TMEM255B: variants seen among roughly 807,000 people sequenced by gnomAD.
The protein encoded by TMEM255B is transmembrane protein 255B.
In TMEM255B, 35 loss-of-function variants were observed where a neutral mutation model predicts 34.5. The ratio of observed to expected loss-of-function variants is 1.01; its 90% confidence interval spans 0.77 to 1.34. TMEM255B has a LOEUF of 1.34. Ranked by LOEUF, TMEM255B falls within the 40% of genes most tolerant of loss-of-function variation. TMEM255B has a pLI of 0.00. For missense variants in TMEM255B, 432 were observed against 433.2 expected, an observed-to-expected ratio of 1.00 and a Z score of 0.02; for synonymous variants, 206 against 201.2, an observed-to-expected ratio of 1.02 and a Z score of -0.20.
At chr13:113,775,057 C>A (rs59061423) in intron 3 of TMEM255B, among the ~76,000 whole-genome samples, 5 of 81,786 alleles carry the variant, frequency 6.1e-5, no homozygotes, top group Non-Finnish European at 1.1e-4. Flanking sequence ...ACACAACACA[C>A]CACACACCAC....
intron 8 of TMEM255B, among the ~76,000 whole-genome samples, chr13:113,807,933 G>T (rs1186363198): frequency 6.6e-6 from 1 of 152,146 alleles, no homozygotes; most frequent in African/African-American, 2.4e-5. Context: ...TGGGGCTCTG[G>T]GTTTACGCAA....
At chr13:113,804,818 G>A in intron 7 of TMEM255B, 67 bp from the exon 8 acceptor site, 4 of 1,436,452 alleles carry the variant, frequency 2.8e-6, no homozygotes, top group Non-Finnish European at 3.7e-6. Flanking sequence ...GGCTTTCTAG[G>A]AAGGCTGGAC....
chr13:113,809,935 A>C (rs2051268518), intron 8 of TMEM255B, among the ~76,000 whole-genome samples: 1 of 152,118 alleles, frequency 6.6e-6, no homozygotes, highest in Non-Finnish European at 1.5e-5. Context: ...CGGGGGAAGA[A>C]AGAAATGAGG....
intron 5 of TMEM255B, among the ~76,000 whole-genome samples, chr13:113,800,327 G>A (rs1594159223): frequency 6.7e-6 from 1 of 149,870 alleles, no homozygotes; most frequent in Non-Finnish European, 1.5e-5. Context: ...GTGTGTGTGT[G>A]TGTGTGTGTG....
intron 3 of TMEM255B, among the ~76,000 whole-genome samples, chr13:113,781,848 T>C (rs2050670328): frequency 6.6e-6 from 1 of 152,200 alleles, no homozygotes; most frequent in South Asian, 2.1e-4. Flanking sequence ...GTCCTAAACA[T>C]CCCTGTCTTC....
At chr13:113,760,148 T>C in intron 1 of TMEM255B, among the ~76,000 whole-genome samples, 1 of 152,170 alleles carries the variant, frequency 6.6e-6, no homozygotes, top group East Asian at 1.9e-4. Flanking sequence ...CCCTCAGAAA[T>C]AATCCAACAC....
intron 3 of TMEM255B, among the ~76,000 whole-genome samples, chr13:113,781,313 C>T (rs1257472331): frequency 6.6e-6 from 1 of 152,192 alleles, no homozygotes; most frequent in African/African-American, 2.4e-5. Context: ...AATAGAATTT[C>T]CTTTACAATC....
chr13:113,764,688 A>G (rs2140800853), intron 1 of TMEM255B, among the ~76,000 whole-genome samples: 1 of 152,278 alleles, frequency 6.6e-6, no homozygotes, highest in Middle Eastern at 3.4e-3. Context: ...TCTGCCTCTC[A>G]CATGCGAGGA....
intron 3 of TMEM255B, among the ~76,000 whole-genome samples, chr13:113,788,801 C>T (rs1594141540): frequency 1.3e-5 from 2 of 152,138 alleles, no homozygotes; most frequent in African/African-American, 4.8e-5. Context: ...CCTGCCGCTG[C>T]CCTCACCCCA....
rs1459739122 is a variant in TMEM255B, at chr13:113,799,436, A to G, written c.423+17A>G. 1 of 1,611,870 alleles carries G rather than the reference A, an allele frequency of 6.2e-7. No individual in the cohort carries two copies. Among genetic ancestry groups the G allele is most frequent in the South Asian group, 1.1e-5 (1 of 91,046 alleles). Reference sequence around the variant, plus strand: ...CAGACAGAGGTGAGCAGGAGCACTGAGATTCATGTGGGTTTTGCTCAGCTA... The same window carrying G: ...CAGACAGAGGTGAGCAGGAGCACTGGGATTCATGTGGGTTTTGCTCAGCTA... On this transcript the variant is annotated intron_variant, in intron 5 of 8. Coordinates refer to ENST00000375353, the MANE Select transcript of TMEM255B (RefSeq NM_182614.4).
At chr13:113,772,572 T>G (rs1409375902) in intron 3 of TMEM255B, among the ~76,000 whole-genome samples, 1 of 152,212 alleles carries the variant, frequency 6.6e-6, no homozygotes, top group Non-Finnish European at 1.5e-5. Context: ...GTGATCCACC[T>G]TGAGTTAACT....
chr13:113,805,387 C>T (rs543872312), intron 8 of TMEM255B, among the ~76,000 whole-genome samples: 1 of 152,326 alleles, frequency 6.6e-6, no homozygotes, highest in Non-Finnish European at 1.5e-5. Flanking sequence ...TTAGGTGGAG[C>T]CATATGGATC....
At chr13:113,780,312 CAATTGTGTCCTGTTACAAAAGAA>C (rs1421836840) in intron 3 of TMEM255B, among the ~76,000 whole-genome samples, 3 of 152,208 alleles carry the variant, frequency 2.0e-5, no homozygotes, top group Non-Finnish European at 4.4e-5. Flanking sequence ...CCAGTTTCTC[CAATTGTGTCCTGTTACAAAAGAA>C]AACAGATTCT....
At chr13:113,760,899 TG>T (rs1431482261) in intron 1 of TMEM255B, among the ~76,000 whole-genome samples, 9 of 146,860 alleles carry the variant, frequency 6.1e-5, no homozygotes, top group African/African-American at 2.3e-4. Flanking sequence ...TTGGTGTGTC[TG>T]GGGGTGGGTT....
Position 113,814,927 on chromosome 13 carries a change from G to C in TMEM255B, c.*3024G>C, listed in dbSNP as rs1286528082. On this transcript the variant is annotated 3_prime_UTR_variant, in exon 9 of 9. Coordinates refer to ENST00000375353, the MANE Select transcript of TMEM255B (RefSeq NM_182614.4). The stretch of plus-strand genomic sequence containing the variant: ...GGGGTGCTGGGGGGTTTGGGGTGCT[G>C]TGGCCCCACCTGCACTCCCTGCCTC... 2 of 151,846 alleles carry C rather than the reference G, an allele frequency of 1.3e-5. No individual in the cohort carries two copies. The highest frequency in any genetic ancestry group is 4.8e-5 in the African/African-American group (2 of 41,276). The allele number at this position is 151,846 out of a possible 1,614,324, so 9.4% of individuals were successfully genotyped here.
intron 8 of TMEM255B, among the ~76,000 whole-genome samples, chr13:113,810,853 C>G (rs1456456223): frequency 6.6e-6 from 1 of 152,236 alleles, no homozygotes; most frequent in Non-Finnish European, 1.5e-5. Context: ...CAGCCACACG[C>G]TGCTGGACGT....
At chr13:113,782,049 G>A (rs954601261) in intron 3 of TMEM255B, among the ~76,000 whole-genome samples, 1 of 152,158 alleles carries the variant, frequency 6.6e-6, no homozygotes, top group Non-Finnish European at 1.5e-5. Flanking sequence ...ACCAGTTTAT[G>A]ATCTAAAAGC....
intron 1 of TMEM255B, among the ~76,000 whole-genome samples, chr13:113,765,210 T>C (rs1275362704): frequency 1.3e-5 from 2 of 152,196 alleles, no homozygotes; most frequent in African/African-American, 4.8e-5. Context: ...ACGCCCTTGC[T>C]GGGTCAGCTG....
chr13:113,773,010 A>C (rs2050502429), intron 3 of TMEM255B, among the ~76,000 whole-genome samples: 1 of 152,032 alleles, frequency 6.6e-6, no homozygotes, highest in African/African-American at 2.4e-5. Flanking sequence ...TCTTAATATT[A>C]AGTATCCCAA....
Sources: gnomAD v4.1 joint callset for allele counts (sites outside exome capture counted in the v4.1 genomes callset) on GRCh38, gnomAD v4.1.1 for gene constraint, MANE v1.5 for transcripts, NCBI Gene and HGNC (gene_info 2026-07-23, HGNC 2026-07-21) for gene names.